Variants in GOLGB1 observed in about 807,000 individuals in gnomAD.
GOLGB1 encodes the protein golgin subfamily B member 1.
In GOLGB1, 174 loss-of-function variants were observed where a neutral mutation model predicts 336.9. That is an observed-to-expected ratio of 0.52 (90% CI 0.46 to 0.59). The LOEUF (loss-of-function observed/expected upper bound fraction) is 0.59. GOLGB1 is among the 20% of genes least tolerant of loss of function. GOLGB1 has a pLI of 0.00. For missense variants in GOLGB1, 3,331 were observed against 3,645.3 expected, an observed-to-expected ratio of 0.91 and a Z score of 2.22; for synonymous variants, 1,208 against 1,289.2, an observed-to-expected ratio of 0.94 and a Z score of 1.35.
At chr3:121,664,683 TCTTGCA>T (rs1283794095) in intron 21 of GOLGB1, 69 bp from the exon 22 acceptor site, 13 of 1,459,494 alleles carry the variant, frequency 8.9e-6, no homozygotes, top group Non-Finnish European at 1.2e-5. Flanking sequence ...CTCCTACTAG[TCTTGCA>T]CTTAAGCAAA....
chr3:121,740,822 A>G (rs1347141760), intron 1 of GOLGB1, among the ~76,000 whole-genome samples: 3 of 152,186 alleles, frequency 2.0e-5, no homozygotes, highest in African/African-American at 7.2e-5. Context: ...TAATCCAAGA[A>G]TATTTATTTG....
intron 15 of GOLGB1, among the ~76,000 whole-genome samples, chr3:121,680,208 C>T (rs2107658701): frequency 6.6e-6 from 1 of 152,300 alleles, no homozygotes; most frequent in African/African-American, 2.4e-5. Flanking sequence ...TGTCTTCCTT[C>T]CCCTGCCGGT....
intron 21 of GOLGB1, 34 bp downstream of exon 21, chr3:121,664,892 T>A (rs781019816): frequency 1.5e-6 from 2 of 1,302,202 alleles, no homozygotes; most frequent in East Asian, 4.6e-5. Flanking sequence ...TGTCAGATAA[T>A]AAAACACCCT....
chr3:121,739,022 G>A (rs1316382007), intron 1 of GOLGB1, among the ~76,000 whole-genome samples: 1 of 152,204 alleles, frequency 6.6e-6, no homozygotes, highest in Non-Finnish European at 1.5e-5. Flanking sequence ...AGCACTTTGG[G>A]AGGCTGAGGT....
intron 2 of GOLGB1, 61 bp from the exon 3 acceptor site, chr3:121,730,078 G>A: frequency 8.6e-7 from 1 of 1,165,514 alleles, no homozygotes; most frequent in South Asian, 1.4e-5. Context: ...CCCAACAGGA[G>A]TTTCTTCATT....
intron 14 of GOLGB1, among the ~76,000 whole-genome samples, chr3:121,684,322 GA>G (rs1941493082): frequency 7.0e-6 from 1 of 141,872 alleles, no homozygotes; most frequent in Non-Finnish European, 1.5e-5. Flanking sequence ...AAGCAATCAA[GA>G]AGGTCCTACA....
chr3:121,694,537 A>G lies in GOLGB1; in HGVS notation c.5986T>C (p.Leu1996=). 1 of 1,612,558 alleles carries G rather than the reference A, an allele frequency of 6.2e-7. No individual in the cohort carries two copies. Among genetic ancestry groups the G allele is most frequent in the Non-Finnish European group, 8.5e-7 (1 of 1,179,878 alleles). Residue 1996 remains leucine, a synonymous_variant, in exon 13 of 22, where the codon TTG becomes CTG. Coordinates refer to ENST00000614479, the MANE Select transcript of GOLGB1 (RefSeq NM_001366282.2). ...TTCTGAGCACCTTGTATTTTCTCCA[A>G]ATATTCCTTTCGTATTTCTGATTCC... ...KVESEIRKEY[L]EKIQGAQKEP...
In GOLGB1 at chr3:121,727,040, T is replaced by C; in HGVS notation, c.404A>G (p.His135Arg). ...EPQSEEQLSK[H>R]DKSSTEEEME... Reference sequence around the variant, plus strand: ...CTCTTCCTCTGTAGAACTCTTGTCATGCTGAAAATGCAGGAGATAAAGTCA... The same window carrying C: ...CTCTTCCTCTGTAGAACTCTTGTCACGCTGAAAATGCAGGAGATAAAGTCA... Residue 135 changes from histidine (H) to arginine (R), a missense_variant and splice_region_variant, in exon 5 of 22, where the codon CAT becomes CGT. Coordinates refer to ENST00000614479, the MANE Select transcript of GOLGB1 (RefSeq NM_001366282.2). 1 of 1,540,202 alleles carries C rather than the reference T, an allele frequency of 6.5e-7. No individual in the cohort carries two copies. The highest frequency in any genetic ancestry group is 8.9e-7 in the Non-Finnish European group (1 of 1,127,046).
chr3:121,712,828 G>C (rs1001098944), intron 10 of GOLGB1, among the ~76,000 whole-genome samples: 1 of 152,158 alleles, frequency 6.6e-6, no homozygotes, highest in East Asian at 1.9e-4. Flanking sequence ...AGAAGATGTG[G>C]AACAAATGGA....
rs760264012 is a variant in GOLGB1, at chr3:121,667,547, C to A, written c.9483G>T (p.Leu3161=). 2 of 1,614,070 alleles carry A rather than the reference C, an allele frequency of 1.2e-6. No individual in the cohort carries two copies. The highest frequency in any genetic ancestry group is 2.2e-5 in the South Asian group (2 of 91,080). ...CTCTTTGGTCTCGTTCTTCTTCCAG[C>A]AGCTTCCTTAATTCATTCACTTCCT... The part of the protein sequence containing the change: ...TRQEVNELRK[L]LEEERDQRVA... Residue 3161 remains leucine (L), a synonymous_variant, in exon 20 of 22, where the codon CTG becomes CTT. Coordinates refer to ENST00000614479, the MANE Select transcript of GOLGB1 (RefSeq NM_001366282.2).
intron 7 of GOLGB1, among the ~76,000 whole-genome samples, 153 bp from the exon 8 acceptor site, chr3:121,718,654 C>T (rs1013955063): frequency 1.3e-5 from 2 of 152,144 alleles, no homozygotes; most frequent in Non-Finnish European, 2.9e-5. Context: ...ATGCTCCCCC[C>T]ATCCAGCAGC....
chr3:121,676,803 G>A, intron 17 of GOLGB1, 90 bp downstream of exon 17: 1 of 1,104,264 alleles, frequency 9.1e-7, no homozygotes, highest in South Asian at 1.3e-5. Context: ...TGCTACAGCT[G>A]GGACTCTATG....
Position 121,668,127 on chromosome 3 carries a change from G to T in GOLGB1, c.9353C>A (p.Ala3118Asp), listed in dbSNP as rs753972405. The change falls in exon 19 of 22, where the codon GCT becomes GAT. Residue 3118 changes from alanine to aspartate, a missense_variant. Transcript: ENST00000614479. ...GPLNIDVAPG[A>D]PQEKNGVHRK... ...GTGAACTCCATTCTTTTCCTGGGGAGCTCCTGGAGCAACATCTATATTTAG... is the reference window on the plus strand; with the variant it reads ...GTGAACTCCATTCTTTTCCTGGGGATCTCCTGGAGCAACATCTATATTTAG... 1.9e-6 allele frequency: 3 copies of T among 1,604,136 alleles called. No homozygotes were observed. The Admixed American group carries it at 5.1e-5, about 27-fold the overall frequency.
At chr3:121,670,778 G>A (rs924940288) in intron 17 of GOLGB1, among the ~76,000 whole-genome samples, 1 of 150,466 alleles carries the variant, frequency 6.6e-6, no homozygotes, top group African/African-American at 2.4e-5. Context: ...GTGGGAGGAG[G>A]TGGGAATAGT....
chr3:121,667,468 G>A lies in GOLGB1; in HGVS notation c.9554+8C>T. 2 of 1,613,402 alleles carry A rather than the reference G, an allele frequency of 1.2e-6. No homozygotes were observed. Among genetic ancestry groups the A allele is most frequent in the South Asian group, 1.1e-5 (1 of 91,020 alleles). On this transcript the variant is annotated splice_region_variant and intron_variant, in intron 20 of 21. Coordinates refer to ENST00000614479, the MANE Select transcript of GOLGB1 (RefSeq NM_001366282.2). ...AAGGGAACAGAGGCTATCTCCTTCA[G>A]CCTTTACCGTCTGATCTGCTCCTCG...
Position 121,697,774 on chromosome 3 carries a change from C to T in GOLGB1, c.2749G>A (p.Glu917Lys), listed in dbSNP as rs1943076042. The change falls in exon 13 of 22, where the codon GAG (glutamate) becomes AAG (lysine). Residue 917 changes from glutamate to lysine, a missense_variant. Transcript: ENST00000614479. ...TCTTCATTAAGCTGAACCATTTTCT[C>T]AGTCATACTAAAGCTGATTTCTGTC... ...QVTEISFSMTEKMVQLNEEKF... is the reference protein window; with the variant it reads ...QVTEISFSMTKKMVQLNEEKF... The T allele has an allele frequency of 6.2e-7, 1 of 1,613,914 alleles. No individual in the cohort carries two copies. Among genetic ancestry groups the T allele is most frequent in the Non-Finnish European group, 8.5e-7 (1 of 1,179,928 alleles).
chr3:121,686,471 A>G (rs1331100877), intron 14 of GOLGB1, among the ~76,000 whole-genome samples: 2 of 152,068 alleles, frequency 1.3e-5, no homozygotes, highest in Non-Finnish European at 2.9e-5. Context: ...AAAATTGTTT[A>G]TATCTTTATA....
At chr3:121,667,220 G>A in intron 20 of GOLGB1, among the ~76,000 whole-genome samples, 1 of 152,096 alleles carries the variant, frequency 6.6e-6, no homozygotes, top group East Asian at 1.9e-4. Context: ...TATGGTTAGG[G>A]TGAAATAAAA....
At chr3:121,730,256 A>C in intron 2 of GOLGB1, 1 of 352,312 alleles carries the variant, frequency 2.8e-6, no homozygotes, top group Non-Finnish European at 5.1e-6. Context: ...AATTTTACCA[A>C]AGAGAAAAAT....
Sources: allele counts gnomAD v4.1 joint callset (sites outside exome capture counted in the v4.1 genomes callset), GRCh38; gene constraint gnomAD v4.1.1; transcripts MANE v1.5; gene names NCBI Gene and HGNC (gene_info 2026-07-23, HGNC 2026-07-21).